The following CNTN1 variants were observed in gnomAD, a reference collection of about 807,000 sequenced individuals.
CNTN1 encodes the protein contactin 1.
CNTN1 carries 38 observed loss-of-function variants against 126.4 expected under a neutral mutation model. The observed-to-expected ratio is 0.30, with a 90% CI of 0.23 to 0.39. The LOEUF (loss-of-function observed/expected upper bound fraction) is 0.39. Ranked by LOEUF, CNTN1 falls within the 10% of genes least tolerant of loss-of-function variation. The probability of loss-of-function intolerance (pLI) is 1.00; values close to 1 mark genes in which losing one functional copy is unlikely to be tolerated. For missense variants in CNTN1, 1,009 were observed against 1,248.4 expected (o/e 0.81, Z 2.89); for synonymous variants, 413 against 422.6 (o/e 0.98, Z 0.28).
At chr12:40,752,102 A>C (rs1387931295) in intron 1 of CNTN1, among the ~76,000 whole-genome samples, 2 of 152,140 alleles carry the variant, frequency 1.3e-5, no homozygotes, top group Non-Finnish European at 2.9e-5. Context: ...AGCCATTAAC[A>C]AAATAAATTT....
At chr12:40,789,819 A>G (rs1301173898) in intron 1 of CNTN1, among the ~76,000 whole-genome samples, 2 of 152,094 alleles carry the variant, frequency 1.3e-5, no homozygotes, top group African/African-American at 4.8e-5. Flanking sequence ...GGTTATACCA[A>G]ATTTTTTCTA....
intron 1 of CNTN1, among the ~76,000 whole-genome samples, chr12:40,800,424 A>G (rs990092026): frequency 2.0e-5 from 3 of 151,980 alleles, no homozygotes; most frequent in African/African-American, 7.2e-5. Flanking sequence ...AAGGTAAGGA[A>G]GATACATTTG....
intron 1 of CNTN1, among the ~76,000 whole-genome samples, chr12:40,710,985 C>G (rs1941899227): frequency 6.6e-6 from 1 of 152,048 alleles, no homozygotes; most frequent in African/African-American, 2.4e-5. Flanking sequence ...GAAGAAGACA[C>G]TAATACTTAT....
chr12:40,876,686 T>A (rs1387879194), intron 1 of CNTN1, among the ~76,000 whole-genome samples: 1 of 152,186 alleles, frequency 6.6e-6, no homozygotes, highest in Non-Finnish European at 1.5e-5. Flanking sequence ...ACATTTCCTA[T>A]TAAACATATA....
chr12:41,058,485 T>C (rs1434196688), intron 23 of CNTN1, among the ~76,000 whole-genome samples: 1 of 152,152 alleles, frequency 6.6e-6, no homozygotes, highest in East Asian at 1.9e-4. Flanking sequence ...GTAAACAAAA[T>C]GGTTTCTTAA....
At chr12:40,795,632 T>C (rs1334682763) in intron 1 of CNTN1, among the ~76,000 whole-genome samples, 1 of 152,078 alleles carries the variant, frequency 6.6e-6, no homozygotes, top group Non-Finnish European at 1.5e-5. Flanking sequence ...TAAAAACTAA[T>C]AAATGGAATC....
At chr12:41,050,478 C>G (rs1483744835) in intron 23 of CNTN1, among the ~76,000 whole-genome samples, 1 of 152,064 alleles carries the variant, frequency 6.6e-6, no homozygotes, top group Non-Finnish European at 1.5e-5. Context: ...TTTTAAACAA[C>G]CAGGTCTCAT....
rs555920164 is a variant in CNTN1, at chr12:40,765,055, T to C, written c.-77+72463T>C. ...TGTAGTAATTGGGTACAATATTTTA[T>C]ATTATATATATTAGGTCATATAGAA... On this transcript the variant is annotated intron_variant, in intron 1 of 23. Coordinates refer to ENST00000551295, the MANE Select transcript of CNTN1 (RefSeq NM_001843.4). Among the ~76,000 whole-genome samples, 43 of 151,278 alleles carry C rather than the reference T, an allele frequency of 2.8e-4. 1 individual carries two copies. The South Asian group carries it at 8.7e-3, about 31-fold the overall frequency.
chr12:40,986,813 C>T (rs1323187677), intron 16 of CNTN1, among the ~76,000 whole-genome samples: 1 of 152,122 alleles, frequency 6.6e-6, no homozygotes, highest in Non-Finnish European at 1.5e-5. Flanking sequence ...ATGATGAAGG[C>T]CTATGAAAAA....
At chr12:40,894,231 T>A (rs1226184816) in intron 1 of CNTN1, among the ~76,000 whole-genome samples, 1 of 152,122 alleles carries the variant, frequency 6.6e-6, no homozygotes, top group Non-Finnish European at 1.5e-5. Flanking sequence ...AAGCAAATGA[T>A]TACTTTTACA....
intron 1 of CNTN1, among the ~76,000 whole-genome samples, chr12:40,889,255 T>C (rs1273405983): frequency 6.6e-6 from 1 of 151,832 alleles, no homozygotes; most frequent in Non-Finnish European, 1.5e-5. Flanking sequence ...TAATGTTGAG[T>C]GGAAAAAACA....
chr12:40,743,139 T>C (rs568183105), intron 1 of CNTN1, among the ~76,000 whole-genome samples: 1 of 152,116 alleles, frequency 6.6e-6, no homozygotes, highest in East Asian at 1.9e-4. Flanking sequence ...TTGGGACAGT[T>C]TTCTAACCAG....
At chr12:41,069,516 A>C (rs1260180748) in intron 23 of CNTN1, among the ~76,000 whole-genome samples, 1 of 152,126 alleles carries the variant, frequency 6.6e-6, no homozygotes, top group African/African-American at 2.4e-5. Context: ...TACAAGTGCC[A>C]TGTTGGTGTG....
At chr12:40,812,244 C>T (rs905929913) in intron 1 of CNTN1, among the ~76,000 whole-genome samples, 3 of 151,966 alleles carry the variant, frequency 2.0e-5, no homozygotes, top group Non-Finnish European at 4.4e-5. Flanking sequence ...ATAAAAGATA[C>T]TTAATATGAT....
At chr12:40,821,337 A>G (rs1381767667) in intron 1 of CNTN1, among the ~76,000 whole-genome samples, 1 of 152,200 alleles carries the variant, frequency 6.6e-6, no homozygotes, top group African/African-American at 2.4e-5. Context: ...TTTAAATATG[A>G]GTTGAATATG....
chr12:40,819,790 G>C (rs568555633), intron 1 of CNTN1, among the ~76,000 whole-genome samples: 1 of 152,310 alleles, frequency 6.6e-6, no homozygotes, highest in African/African-American at 2.4e-5. Flanking sequence ...ACTAGGCTCT[G>C]GTGGTGTGGG....
rs139453848 is a variant in CNTN1, at chr12:41,045,162, C to A, written c.2980+15943C>A. ...CTGTTCCTAAGGATGAACTAAGATACACCTACCCCCGCCCCAAATCATAGG... is the reference window on the plus strand; with the variant it reads ...CTGTTCCTAAGGATGAACTAAGATAAACCTACCCCCGCCCCAAATCATAGG... On this transcript the variant is annotated intron_variant, in intron 23 of 23. Transcript: ENST00000551295. Among the ~76,000 whole-genome samples, 46 of 152,040 alleles carry A rather than the reference C, an allele frequency of 3.0e-4. No homozygotes were observed. In the East Asian group the frequency reaches 8.5e-3, roughly 28 times the overall value.
chr12:40,782,083 A>G (rs1178936295), intron 1 of CNTN1, among the ~76,000 whole-genome samples: 2 of 151,954 alleles, frequency 1.3e-5, no homozygotes, highest in Admixed American at 6.6e-5. Flanking sequence ...TTGTTACATA[A>G]TAGTAATTTG....
At chr12:41,024,178 T>A (rs182481203) in intron 20 of CNTN1, among the ~76,000 whole-genome samples, 1 of 152,302 alleles carries the variant, frequency 6.6e-6, no homozygotes, top group East Asian at 1.9e-4. Context: ...GTTTCTTACA[T>A]GTTTATGTAA....
Sources: gnomAD v4.1 joint callset for allele counts (sites outside exome capture counted in the v4.1 genomes callset) on GRCh38, gnomAD v4.1.1 for gene constraint, MANE v1.5 for transcripts, NCBI Gene and HGNC (gene_info 2026-07-23, HGNC 2026-07-21) for gene names.